The following AKT3 variants were observed in gnomAD, a reference collection of about 807,000 sequenced individuals.
AKT3 encodes the protein RAC-gamma serine/threonine-protein kinase.
AKT3 carries 15 observed loss-of-function variants against 65.3 expected under a neutral mutation model. That is an observed-to-expected ratio of 0.23 (90% CI 0.15 to 0.35). The LOEUF (loss-of-function observed/expected upper bound fraction) is 0.35. Ranked by LOEUF, AKT3 falls within the 10% of genes least tolerant of loss-of-function variation. The pLI is 1.00. For synonymous variants in AKT3, 206 were observed against 183.8 expected, an observed-to-expected ratio of 1.12 and a Z score of -0.98; for missense variants, 243 against 576.5, an observed-to-expected ratio of 0.42 and a Z score of 5.92.
chr1:243,561,518 G>T (rs1673774304), intron 10 of AKT3, among the ~76,000 whole-genome samples: 1 of 152,040 alleles, frequency 6.6e-6, no homozygotes, highest in East Asian at 1.9e-4. Flanking sequence ...TAAATATTCT[G>T]ATCTTATGAT....
At chr1:243,575,571 C>T (rs1171501096) in intron 8 of AKT3, among the ~76,000 whole-genome samples, 1 of 151,952 alleles carries the variant, frequency 6.6e-6, no homozygotes, top group Admixed American at 6.6e-5. Context: ...GAAGAGGACA[C>T]AGGTATTGAT....
chr1:243,742,057 A>AT (rs1260026047), intron 2 of AKT3, among the ~76,000 whole-genome samples: 14 of 82,548 alleles, frequency 1.7e-4, no homozygotes, highest in South Asian at 9.2e-4. Flanking sequence ...CAGATAGAAA[A>AT]TTAAAAAAAA....
At chr1:243,783,498 A>C (rs1691041819) in intron 2 of AKT3, among the ~76,000 whole-genome samples, 1 of 152,194 alleles carries the variant, frequency 6.6e-6, no homozygotes, top group African/African-American at 2.4e-5. Context: ...ACTCTGGGTA[A>C]GTAGGGAAAA....
chr1:243,827,712 TATTTC>T (rs1461340367), intron 2 of AKT3, among the ~76,000 whole-genome samples: 1 of 152,192 alleles, frequency 6.6e-6, no homozygotes, highest in Non-Finnish European at 1.5e-5. Flanking sequence ...GCTTTAGTAC[TATTTC>T]ATTTAAGAAA....
At chr1:243,676,455 A>C (rs1309309152) in intron 3 of AKT3, among the ~76,000 whole-genome samples, 1 of 152,178 alleles carries the variant, frequency 6.6e-6, no homozygotes, top group Non-Finnish European at 1.5e-5. Flanking sequence ...GCATCGACTG[A>C]CACCTGATGT....
chr1:243,626,757 G>A (rs1381024037), intron 6 of AKT3, among the ~76,000 whole-genome samples: 1 of 152,228 alleles, frequency 6.6e-6, no homozygotes, highest in Admixed American at 6.5e-5. Flanking sequence ...TGAAATGGCT[G>A]ATAGGATTAA....
chr1:243,647,653 C>G (rs150889355), intron 4 of AKT3, among the ~76,000 whole-genome samples: 2 of 152,250 alleles, frequency 1.3e-5, no homozygotes, highest in Non-Finnish European at 2.9e-5. Context: ...TCCAGTCACT[C>G]TTATTTTTCT....
At chr1:243,726,301 G>A (rs1687206486) in intron 2 of AKT3, among the ~76,000 whole-genome samples, 1 of 152,186 alleles carries the variant, frequency 6.6e-6, no homozygotes, top group Non-Finnish European at 1.5e-5. Flanking sequence ...GTAAATTCCA[G>A]TGGTGAAATC....
chr1:243,848,566 T>C lies in AKT3; in HGVS notation c.-113+1474A>G, dbSNP rs190876565. Among the ~76,000 whole-genome samples the C allele has an allele frequency of 5.3e-5, 8 of 152,258 alleles. No individual in the cohort carries two copies. In the East Asian group the frequency reaches 1.5e-3, roughly 29 times the overall value. Reference sequence around the variant, plus strand: ...TAAATACATAACCTAAACCAATGAGTTTCACTCATTTGTCAGCTTCAACCA... The same window carrying C: ...TAAATACATAACCTAAACCAATGAGCTTCACTCATTTGTCAGCTTCAACCA... On this transcript the variant is annotated intron_variant, in intron 1 of 13. Coordinates refer to ENST00000673466, the MANE Select transcript of AKT3 (RefSeq NM_005465.7).
chr1:243,769,799 T>C (rs1425508781), intron 2 of AKT3, among the ~76,000 whole-genome samples: 2 of 152,222 alleles, frequency 1.3e-5, no homozygotes, highest in Non-Finnish European at 2.9e-5. Context: ...ACAGCGGCCT[T>C]TGACATACAA....
At chr1:243,832,552 G>A (rs1424924432) in intron 2 of AKT3, among the ~76,000 whole-genome samples, 2 of 152,154 alleles carry the variant, frequency 1.3e-5, no homozygotes, top group Non-Finnish European at 2.9e-5. Context: ...CAATTTGAAG[G>A]CAGTAGAAAA....
chr1:243,508,050 G>T (rs904248675), intron 13 of AKT3, among the ~76,000 whole-genome samples: 6 of 152,174 alleles, frequency 3.9e-5, no homozygotes, highest in African/African-American at 1.4e-4. Context: ...CTAACGAATG[G>T]TACTACCCTG....
chr1:243,636,187 GTAGTAATAA>G (rs1163266404), intron 6 of AKT3, among the ~76,000 whole-genome samples: 1 of 151,944 alleles, frequency 6.6e-6, no homozygotes, highest in African/African-American at 2.4e-5. Context: ...TACACAGTAG[GTAGTAATAA>G]TAGTAATAAT....
chr1:243,843,203 A>G lies in AKT3; in HGVS notation c.-33T>C, dbSNP rs1411816792. 6.2e-7 allele frequency: 1 copy of G among 1,609,484 alleles called. No homozygotes were observed. The highest frequency in any genetic ancestry group is 1.7e-5 in the Admixed American group (1 of 59,610). On this transcript the variant is annotated 5_prime_UTR_variant, in exon 2 of 14. Transcript: ENST00000673466. ...CCCCTCTGAGCCCCCAACTTGGAGA[A>G]ATGGTACTTTGTGATATCAGCTTTA... is the stretch of plus-strand genomic sequence containing the variant.
intron 3 of AKT3, among the ~76,000 whole-genome samples, chr1:243,674,814 A>G (rs1284903312): frequency 6.6e-6 from 1 of 152,230 alleles, no homozygotes; most frequent in Non-Finnish European, 1.5e-5. Flanking sequence ...ATTAGATGTG[A>G]TTGTGATACA....
chr1:243,595,967 AC>A (rs1318093649), intron 8 of AKT3, among the ~76,000 whole-genome samples: 1 of 152,228 alleles, frequency 6.6e-6, no homozygotes, highest in Non-Finnish European at 1.5e-5. Flanking sequence ...ATGTTTCTAC[AC>A]AACCGGCAGC....
intron 8 of AKT3, among the ~76,000 whole-genome samples, chr1:243,605,359 G>A (rs1677322343): frequency 6.6e-6 from 1 of 152,082 alleles, no homozygotes; most frequent in Non-Finnish European, 1.5e-5. Context: ...AACACCTGCA[G>A]TTACAATGCA....
intron 2 of AKT3, among the ~76,000 whole-genome samples, chr1:243,769,215 T>C (rs1462179933): frequency 1.3e-5 from 2 of 152,226 alleles, no homozygotes; most frequent in African/African-American, 4.8e-5. Flanking sequence ...TTATCCACTC[T>C]ACAGTTGATT....
At chr1:243,588,647 A>C (rs1675974852) in intron 8 of AKT3, among the ~76,000 whole-genome samples, 1 of 152,202 alleles carries the variant, frequency 6.6e-6, no homozygotes, top group African/African-American at 2.4e-5. Flanking sequence ...AGAAAGAACA[A>C]TCTCTTCAAT....
Sources: gnomAD v4.1 joint callset for allele counts (sites outside exome capture counted in the v4.1 genomes callset) on GRCh38, gnomAD v4.1.1 for gene constraint, MANE v1.5 for transcripts, NCBI Gene and HGNC (gene_info 2026-07-23, HGNC 2026-07-21) for gene names.